FBXL17: variants seen among roughly 807,000 people sequenced by gnomAD.
FBXL17 encodes the protein F-box and leucine rich repeat protein 17, also known as F-box/LRR-repeat protein 17.
FBXL17 carries 22 observed loss-of-function variants against 66.2 expected under a neutral mutation model. That is an observed-to-expected ratio of 0.33 (90% confidence interval 0.24 to 0.47). The LOEUF (loss-of-function observed/expected upper bound fraction) is 0.47. Among genes scored for constraint, FBXL17 ranks in the 20% least tolerant of loss-of-function variants. The pLI is 1.00. For missense variants in FBXL17, 878 were observed against 948.2 expected (o/e 0.93, Z 0.97); for synonymous variants, 474 against 400.5 (o/e 1.18, Z -2.19).
intron 7 of FBXL17, among the ~76,000 whole-genome samples, chr5:107,957,955 T>C (rs1751727247): frequency 6.6e-6 from 1 of 152,126 alleles, no homozygotes; most frequent in South Asian, 2.1e-4. Flanking sequence ...AACAGCAGTC[T>C]CTGGCCGAAG....
chr5:107,888,252 G>T (rs562144250), intron 7 of FBXL17, among the ~76,000 whole-genome samples: 3 of 152,210 alleles, frequency 2.0e-5, no homozygotes, highest in African/African-American at 7.2e-5. Flanking sequence ...CAACATGTTT[G>T]TCTTCCCCAT....
intron 7 of FBXL17, among the ~76,000 whole-genome samples, chr5:107,913,496 A>C (rs186177567): frequency 6.6e-6 from 1 of 152,206 alleles, no homozygotes; most frequent in Admixed American, 6.6e-5. Context: ...TGATCATGAC[A>C]ATGATGATGG....
intron 4 of FBXL17, among the ~76,000 whole-genome samples, chr5:108,270,655 T>A (rs1757231378): frequency 6.6e-6 from 1 of 151,982 alleles, no homozygotes; most frequent in Admixed American, 6.6e-5. Context: ...AGTATGATGT[T>A]TGTTTCAAGT....
intron 6 of FBXL17, among the ~76,000 whole-genome samples, chr5:108,171,398 GC>G (rs1752600525): frequency 6.6e-6 from 1 of 152,098 alleles, no homozygotes; most frequent in Non-Finnish European, 1.5e-5. Context: ...CTCTGCACTT[GC>G]TATCTGTGAT....
At chr5:108,258,035 G>C (rs542335467) in intron 4 of FBXL17, among the ~76,000 whole-genome samples, 1 of 152,196 alleles carries the variant, frequency 6.6e-6, no homozygotes, top group South Asian at 2.1e-4. Context: ...ACAAGGTTAT[G>C]ATACATAGAG....
chr5:107,888,121 A>T (rs1749036226), intron 7 of FBXL17, among the ~76,000 whole-genome samples: 1 of 151,852 alleles, frequency 6.6e-6, no homozygotes, highest in Admixed American at 6.6e-5. Context: ...ACTCTAAAAC[A>T]TTTTTCCAGA....
At chr5:108,206,880 G>A (rs895550193) in intron 5 of FBXL17, among the ~76,000 whole-genome samples, 2 of 152,054 alleles carry the variant, frequency 1.3e-5, no homozygotes, top group African/African-American at 2.4e-5. Context: ...AGTAAATACC[G>A]AGTCGTGAAA....
At chr5:108,236,520 A>C (rs1309903437) in intron 4 of FBXL17, among the ~76,000 whole-genome samples, 5 of 152,028 alleles carry the variant, frequency 3.3e-5, no homozygotes, top group Non-Finnish European at 5.9e-5. Context: ...CTAAAAAAAA[A>C]AAACCAACAA....
chr5:108,215,999 G>A (rs1754583685), intron 5 of FBXL17, among the ~76,000 whole-genome samples: 1 of 152,092 alleles, frequency 6.6e-6, no homozygotes, highest in Admixed American at 6.5e-5. Context: ...ATATTAATAG[G>A]ACATAGATGT....
chr5:108,007,799 TAGAA>T (rs1269226671), intron 7 of FBXL17, among the ~76,000 whole-genome samples: 4 of 152,134 alleles, frequency 2.6e-5, no homozygotes, highest in Non-Finnish European at 4.4e-5. Flanking sequence ...AGCATAACGA[TAGAA>T]AGGCTGTACC....
At chr5:107,995,631 T>C (rs1317248742) in intron 7 of FBXL17, among the ~76,000 whole-genome samples, 1 of 152,188 alleles carries the variant, frequency 6.6e-6, no homozygotes, top group Non-Finnish European at 1.5e-5. Flanking sequence ...TTATAAATTA[T>C]TCAGTATATT....
At chr5:108,226,807 A>G (rs1322741910) in intron 4 of FBXL17, among the ~76,000 whole-genome samples, 1 of 152,196 alleles carries the variant, frequency 6.6e-6, no homozygotes, top group African/African-American at 2.4e-5. Flanking sequence ...TCCAAGCAGG[A>G]GATCAGTCTT....
At chr5:107,907,978 T>A (rs6859360) in intron 7 of FBXL17, among the ~76,000 whole-genome samples, 2 of 152,074 alleles carry the variant, frequency 1.3e-5, no homozygotes, top group Non-Finnish European at 2.9e-5. Context: ...TCATGCTGCT[T>A]TAAAGACACA....
At chr5:108,349,024 T>G (rs964524329) in intron 3 of FBXL17, among the ~76,000 whole-genome samples, 2 of 152,134 alleles carry the variant, frequency 1.3e-5, no homozygotes, top group Non-Finnish European at 2.9e-5. Context: ...CAGACTAGTC[T>G]CAAACTCCTG....
intron 4 of FBXL17, among the ~76,000 whole-genome samples, chr5:108,294,028 G>A (rs1419995020): frequency 4.3e-5 from 5 of 115,950 alleles, no homozygotes; most frequent in South Asian, 2.9e-4. Context: ...GAGACAGAGC[G>A]AGACTCTTGT....
chr5:108,094,166 A>C (rs1749286281), intron 6 of FBXL17, among the ~76,000 whole-genome samples: 1 of 152,154 alleles, frequency 6.6e-6, no homozygotes, highest in African/African-American at 2.4e-5. Context: ...TATAGCTCAT[A>C]GTAGTGTGTG....
At chr5:108,033,817 G>C (rs540865037) in intron 6 of FBXL17, among the ~76,000 whole-genome samples, 2 of 152,030 alleles carry the variant, frequency 1.3e-5, no homozygotes, top group African/African-American at 4.8e-5. Context: ...GTAAAGACGA[G>C]TTCAACATTA....
intron 7 of FBXL17, among the ~76,000 whole-genome samples, chr5:108,013,014 C>CAAAA (rs57393639): frequency 3.2e-4 from 25 of 79,358 alleles, no homozygotes; most frequent in African/African-American, 1.1e-3. Flanking sequence ...AACTCCGTCT[C>CAAAA]AAAAAAAAAA....
chr5:108,122,071 C>T (rs1750524516), intron 6 of FBXL17, among the ~76,000 whole-genome samples: 1 of 152,008 alleles, frequency 6.6e-6, no homozygotes, highest in Admixed American at 6.6e-5. Flanking sequence ...AAATAATATT[C>T]TCTAAGTTAT....
Sources: allele counts gnomAD v4.1 joint callset (sites outside exome capture counted in the v4.1 genomes callset), GRCh38; gene constraint gnomAD v4.1.1; transcripts MANE v1.5; gene names NCBI Gene and HGNC (gene_info 2026-07-23, HGNC 2026-07-21).